The following EPHB1 variants were observed in gnomAD, a reference collection of about 807,000 sequenced individuals.
EPHB1 encodes ephrin type-B receptor 1.
Under a neutral mutation model 94.4 loss-of-function variants are expected in EPHB1, and 30 were observed. That is an observed-to-expected ratio of 0.32 (90% CI 0.24 to 0.43). The LOEUF (loss-of-function observed/expected upper bound fraction) is 0.43, where lower values mean the gene tolerates loss of function less well. Among genes scored for constraint, EPHB1 ranks in the 20% least tolerant of loss-of-function variants. The pLI is 1.00. For synonymous variants in EPHB1, 522 were observed against 489.1 expected (o/e 1.07, Z -0.89); for missense variants, 1,055 against 1,308.3 (o/e 0.81, Z 2.99).
chr3:135,089,491 T>C (rs950194534), intron 3 of EPHB1, among the ~76,000 whole-genome samples: 12 of 152,222 alleles, frequency 7.9e-5, no homozygotes, highest in Admixed American at 6.5e-4. Flanking sequence ...TAACACGTGG[T>C]GGGTAGCTTG....
At chr3:134,954,033 T>C (rs1242543621) in intron 3 of EPHB1, among the ~76,000 whole-genome samples, 1 of 152,196 alleles carries the variant, frequency 6.6e-6, no homozygotes, top group East Asian at 1.9e-4. Context: ...GTAAAGGAAA[T>C]GGGGAACCCA....
intron 3 of EPHB1, among the ~76,000 whole-genome samples, chr3:134,971,790 A>C (rs1206653761): frequency 6.6e-6 from 1 of 152,156 alleles, no homozygotes; most frequent in Non-Finnish European, 1.5e-5. Flanking sequence ...TGGGTCACAT[A>C]CTGTTTGTTC....
rs888922536 is a variant in EPHB1, at chr3:135,038,637, G to A, written c.806-67811G>A. 4.6e-5 allele frequency among the ~76,000 whole-genome samples: 7 copies of A among 152,180 alleles called. No individual in the cohort carries two copies. The South Asian group carries it at 6.2e-4, about 14-fold the overall frequency. On this transcript the variant is annotated intron_variant, in intron 3 of 15. Transcript: ENST00000398015. ...AGTGTTACAGCTCTTAAGGTGGCGC[G>A]TCTGGAGTCTGTCCCTTCTGATATT...
At chr3:135,219,339 C>A (rs1184718184) in intron 12 of EPHB1, among the ~76,000 whole-genome samples, 1 of 151,804 alleles carries the variant, frequency 6.6e-6, no homozygotes, top group South Asian at 2.1e-4. Flanking sequence ...CAGATGTAAT[C>A]AAGTTAAGAA....
At chr3:134,819,566 G>A (rs1472460435) in intron 1 of EPHB1, among the ~76,000 whole-genome samples, 1 of 152,196 alleles carries the variant, frequency 6.6e-6, no homozygotes, top group Non-Finnish European at 1.5e-5. Flanking sequence ...GGCTTGGTAT[G>A]TAGCAGACAC....
intron 12 of EPHB1, among the ~76,000 whole-genome samples, chr3:135,216,908 A>C (rs1296076355): frequency 6.6e-6 from 1 of 152,078 alleles, no homozygotes; most frequent in Non-Finnish European, 1.5e-5. Context: ...TTTGGTTGCA[A>C]AGCCCCATCT....
At chr3:135,107,739 G>C (rs1314767512) in intron 4 of EPHB1, among the ~76,000 whole-genome samples, 4 of 152,178 alleles carry the variant, frequency 2.6e-5, no homozygotes, top group Non-Finnish European at 5.9e-5. Context: ...ACTGAGTAAA[G>C]AGGGGGAATG....
intron 3 of EPHB1, among the ~76,000 whole-genome samples, chr3:134,956,834 A>G (rs1578229424): frequency 1.3e-5 from 2 of 152,282 alleles, no homozygotes; most frequent in East Asian, 3.9e-4. Context: ...TGGAATGAAG[A>G]TGGCATGGGA....
At chr3:134,958,815 T>G (rs1183214158) in intron 3 of EPHB1, among the ~76,000 whole-genome samples, 1 of 152,126 alleles carries the variant, frequency 6.6e-6, no homozygotes, top group African/African-American at 2.4e-5. Flanking sequence ...AGGATGCCCC[T>G]CTGCAGCATG....
Position 134,808,906 on chromosome 3 carries a change from A to G in EPHB1, c.58+13217A>G, listed in dbSNP as rs140763974. ...ATTTAGGGGCAAGATGAGAAGAACA[A>G]TGGGCGAAGAGCCATAATTTCTCAC... On this transcript the variant is annotated intron_variant, in intron 1 of 15. Transcript: ENST00000398015. Among the ~76,000 whole-genome samples the G allele has an allele frequency of 3.1e-3, 474 of 152,396 alleles. 3 individuals carry two copies. The highest frequency in any genetic ancestry group is 4.9e-3 in the Non-Finnish European group (334 of 68,036).
At chr3:135,183,030 C>CTTTTCTTTT (rs11459145) in intron 10 of EPHB1, among the ~76,000 whole-genome samples, 1 of 67,182 alleles carries the variant, frequency 1.5e-5, no homozygotes. Context: ...CTTTTCTTTT[C>CTTTTCTTTT]TTTCTTTCTT....
In EPHB1 at chr3:135,166,312, C is replaced by T. The variant is rs561555906; in HGVS notation, c.1694+236C>T. Among the ~76,000 whole-genome samples the T allele has an allele frequency of 8.0e-4, 122 of 152,306 alleles. 1 individual carries two copies. The highest frequency in any genetic ancestry group is 2.7e-3 in the African/African-American group (113 of 41,566). ...CATCCATCCTCAAACCTCATTTTAA[C>T]GAAGACTTTTAGCCCCCTCTTACAC... On this transcript the variant is annotated intron_variant, in intron 8 of 15. Coordinates refer to ENST00000398015, the MANE Select transcript of EPHB1 (RefSeq NM_004441.5).
rs753186364 is a variant in EPHB1, at chr3:135,259,090, G to A, written c.2925G>A (p.Gln975=). The A allele has an allele frequency of 6.2e-7, 1 of 1,610,166 alleles. No individual in the cohort carries two copies. Among genetic ancestry groups the A allele is most frequent in the Non-Finnish European group, 8.5e-7 (1 of 1,178,396 alleles). Residue 975 remains glutamine, a synonymous_variant, in exon 16 of 16, where the codon CAG becomes CAA. Coordinates refer to ENST00000398015, the MANE Select transcript of EPHB1 (RefSeq NM_004441.5). The part of the protein sequence containing the change: ...ILNSIHSMRV[Q]ISQSPTAMA ...ACAGCATTCATTCTATGAGGGTCCAGATAAGTCAGTCACCAACGGCAATGG... is the reference window on the plus strand; with the variant it reads ...ACAGCATTCATTCTATGAGGGTCCAAATAAGTCAGTCACCAACGGCAATGG...
At chr3:135,169,324 T>G (rs962303734) in intron 9 of EPHB1, among the ~76,000 whole-genome samples, 9 of 152,138 alleles carry the variant, frequency 5.9e-5, no homozygotes. Context: ...GATGCAGGGT[T>G]TTTTGTGGGT....
rs1415446764 is a variant in EPHB1, at chr3:134,835,529, G to T, written c.58+39840G>T. ...TCTTGACCACAACCCTGCTCCCCCAGTTATAGGTAAGGACCTGGAAGCCCA... is the reference window on the plus strand; with the variant it reads ...TCTTGACCACAACCCTGCTCCCCCATTTATAGGTAAGGACCTGGAAGCCCA... On this transcript the variant is annotated intron_variant, in intron 1 of 15. Coordinates refer to ENST00000398015, the MANE Select transcript of EPHB1 (RefSeq NM_004441.5). Among the ~76,000 whole-genome samples the T allele has an allele frequency of 2.0e-5, 3 of 152,172 alleles. No individual in the cohort carries two copies. The East Asian group carries it at 5.8e-4, about 29-fold the overall frequency.
chr3:134,861,521 G>A (rs186883230), intron 1 of EPHB1, among the ~76,000 whole-genome samples: 9 of 152,220 alleles, frequency 5.9e-5, no homozygotes, highest in East Asian at 5.8e-4. Flanking sequence ...GGAGGCAGAC[G>A]GATTTCAGAA....
At chr3:135,032,092 G>A (rs994541848) in intron 3 of EPHB1, among the ~76,000 whole-genome samples, 1 of 151,744 alleles carries the variant, frequency 6.6e-6, no homozygotes, top group Non-Finnish European at 1.5e-5. Flanking sequence ...TCATTGCCTG[G>A]GTACTGCACA....
At chr3:134,814,528 A>G (rs1268524523) in intron 1 of EPHB1, among the ~76,000 whole-genome samples, 1 of 152,160 alleles carries the variant, frequency 6.6e-6, no homozygotes, top group East Asian at 1.9e-4. Flanking sequence ...AGGAGGAGGT[A>G]CCTATTGAAG....
At chr3:135,116,623 C>T (rs930721702) in intron 4 of EPHB1, among the ~76,000 whole-genome samples, 10 of 152,150 alleles carry the variant, frequency 6.6e-5, no homozygotes, top group African/African-American at 2.4e-4. Context: ...CCACTGGACC[C>T]TCTGTTGATG....
Sources: allele counts gnomAD v4.1 joint callset (sites outside exome capture counted in the v4.1 genomes callset), GRCh38; gene constraint gnomAD v4.1.1; transcripts MANE v1.5; gene names NCBI Gene and HGNC (gene_info 2026-07-23, HGNC 2026-07-21).